SETD3: variants seen among roughly 807,000 people sequenced by gnomAD.
SETD3 encodes the protein SET domain containing 3, actin N3(tau)-histidine methyltransferase.
A neutral mutation model predicts 63.0 loss-of-function variants in SETD3; 19 were observed. The ratio of observed to expected loss-of-function variants is 0.30; its 90% CI spans 0.21 to 0.44. The LOEUF is 0.44. SETD3 is among the 20% of genes least tolerant of loss of function. The pLI is 1.00. For missense variants in SETD3, 587 were observed against 728.5 expected (o/e 0.81, Z 2.24); for synonymous variants, 286 against 264.1 (o/e 1.08, Z -0.80).
chr14:99,414,638 T>A (rs1892193027), intron 6 of SETD3, among the ~76,000 whole-genome samples: 1 of 152,244 alleles, frequency 6.6e-6, no homozygotes, highest in Non-Finnish European at 1.5e-5. Flanking sequence ...AAAACTTCAC[T>A]TTTATGAGAA....
At chr14:99,435,987 C>A (rs1476394894) in intron 6 of SETD3, among the ~76,000 whole-genome samples, 2 of 152,116 alleles carry the variant, frequency 1.3e-5, no homozygotes, top group African/African-American at 4.8e-5. Flanking sequence ...GGGGAGGCCT[C>A]AGGAAACTCA....
rs759232753 is a variant in SETD3 at position 99,398,653 on chromosome 14, G to A, written c.*26C>T. 1 of 1,600,352 alleles carries A rather than the reference G, an allele frequency of 6.2e-7. No homozygotes were observed. The highest frequency in any genetic ancestry group is 8.5e-7 in the Non-Finnish European group (1 of 1,169,796). On this transcript the variant is annotated 3_prime_UTR_variant, in exon 13 of 13. Coordinates refer to ENST00000331768, the MANE Select transcript of SETD3 (RefSeq NM_032233.3). ...CTGTCCGTCAACTCCTGCTCCACTGGATCCCCCATCCAGCTTCACCTCGAG... is the reference window on the plus strand; with the variant it reads ...CTGTCCGTCAACTCCTGCTCCACTGAATCCCCCATCCAGCTTCACCTCGAG...
intron 1 of SETD3, among the ~76,000 whole-genome samples, chr14:99,474,064 C>T (rs146036743): frequency 0.046 from 7,024 of 152,208 alleles, 248 homozygotes; most frequent in Non-Finnish European, 0.066. Context: ...CTCACACCTG[C>T]AATCCCAGCA....
chr14:99,448,122 G>C (rs1894240172), intron 6 of SETD3, among the ~76,000 whole-genome samples: 1 of 152,196 alleles, frequency 6.6e-6, no homozygotes, highest in African/African-American at 2.4e-5. Context: ...CACAGGCTTT[G>C]GGTCTAACAG....
chr14:99,400,375 G>A, intron 11 of SETD3, 116 bp from the exon 12 acceptor site: 1 of 1,176,148 alleles, frequency 8.5e-7, no homozygotes, highest in South Asian at 1.5e-5. Flanking sequence ...CACGGTAAAA[G>A]CTGTCCCTAC....
rs1895334825 is a variant in SETD3, at chr14:99,465,760, C to T, written c.46G>A (p.Ala16Thr). 1.2e-6 allele frequency: 2 copies of T among 1,613,974 alleles called. No homozygotes were observed. The highest frequency in any genetic ancestry group is 1.7e-5 in the Admixed American group (1 of 59,994). ...RVKTQKSGTGATATVSPKEIL... is the reference protein window; with the variant it reads ...RVKTQKSGTGTTATVSPKEIL... ...TCCTTTGGTGACACAGTTGCTGTAG[C>T]ACCAGTGCCAGATTTCTGAGTTTTT... Residue 16 changes from alanine to threonine, a missense_variant, in exon 2 of 13, where the codon GCT becomes ACT. Physicochemically the swap from Ala to Thr is moderately conservative, Grantham distance 58. Coordinates refer to ENST00000331768, the MANE Select transcript of SETD3 (RefSeq NM_032233.3).
the SETD3 span, among the ~76,000 whole-genome samples, chr14:99,486,409 C>G: frequency 6.6e-6 from 1 of 152,136 alleles, no homozygotes; most frequent in African/African-American, 2.4e-5. Context: ...AGTTCTGTAC[C>G]CAGACCCCTT....
chr14:99,420,682 A>C (rs1892537712), intron 6 of SETD3, among the ~76,000 whole-genome samples: 1 of 152,048 alleles, frequency 6.6e-6, no homozygotes, highest in Non-Finnish European at 1.5e-5. Context: ...GGGCCAGAGA[A>C]TCTTCTCATT....
At chr14:99,471,249 T>A (rs1895687667) in intron 1 of SETD3, among the ~76,000 whole-genome samples, 1 of 152,222 alleles carries the variant, frequency 6.6e-6, no homozygotes, top group African/African-American at 2.4e-5. Context: ...AATCTTTGGA[T>A]AGTATATTTG....
intron 1 of SETD3, among the ~76,000 whole-genome samples, chr14:99,476,806 C>T (rs568708985): frequency 7.4e-4 from 112 of 152,184 alleles, no homozygotes; most frequent in Middle Eastern, 3.4e-3. Context: ...AAAAATGGAA[C>T]GTGAAACTCA....
At chr14:99,399,812 G>A (rs1455642196) in intron 12 of SETD3, among the ~76,000 whole-genome samples, 12 of 136,876 alleles carry the variant, frequency 8.8e-5, no homozygotes, top group South Asian at 2.3e-4. Context: ...GTGCAGTGTC[G>A]AGATCTCAGC....
intron 9 of SETD3, 87 bp downstream of exon 9, chr14:99,406,424 CTAAGT>C (rs1200045311): frequency 5.0e-6 from 6 of 1,192,412 alleles, no homozygotes; most frequent in South Asian, 2.5e-5. Flanking sequence ...ATTTTTTCCC[CTAAGT>C]TAAGTTCCTT....
chr14:99,414,203 T>C (rs1892163046), intron 6 of SETD3, among the ~76,000 whole-genome samples: 1 of 152,222 alleles, frequency 6.6e-6, no homozygotes, highest in South Asian at 2.1e-4. Context: ...CAAAACACAA[T>C]TTAAGGTGGA....
intron 8 of SETD3, among the ~76,000 whole-genome samples, chr14:99,410,438 C>T (rs1260535415): frequency 2.0e-5 from 3 of 152,122 alleles, no homozygotes; most frequent in African/African-American, 7.2e-5. Context: ...GCTGCCCTTT[C>T]ATCCCACCTG....
At chr14:99,462,370 G>T (rs1895116435) in intron 3 of SETD3, among the ~76,000 whole-genome samples, 1 of 152,202 alleles carries the variant, frequency 6.6e-6, no homozygotes, top group Non-Finnish European at 1.5e-5. Context: ...GAGGAAGCTG[G>T]GTGTGGCACA....
At chr14:99,432,444 A>G (rs1433666137) in intron 6 of SETD3, among the ~76,000 whole-genome samples, 1 of 152,228 alleles carries the variant, frequency 6.6e-6, no homozygotes. Flanking sequence ...TGGTTTCTGC[A>G]AATGCCAAGC....
chr14:99,449,278 T>C (rs1306425217), intron 6 of SETD3, among the ~76,000 whole-genome samples: 1 of 152,216 alleles, frequency 6.6e-6, no homozygotes, highest in Non-Finnish European at 1.5e-5. Context: ...TATCAGGTTT[T>C]TGCATCTGGT....
At chr14:99,464,243 C>A (rs1266048158) in intron 2 of SETD3, among the ~76,000 whole-genome samples, 1 of 152,214 alleles carries the variant, frequency 6.6e-6, no homozygotes, top group Non-Finnish European at 1.5e-5. Context: ...CACTGGGCAC[C>A]CCGCCTATTG....
intron 11 of SETD3, among the ~76,000 whole-genome samples, chr14:99,403,255 C>G (rs371161030): frequency 1.7e-4 from 26 of 152,156 alleles, no homozygotes; most frequent in East Asian, 1.4e-3. Flanking sequence ...CAGTGACCGC[C>G]GAGCACAGCA....
Sources: gnomAD v4.1 joint callset for allele counts (sites outside exome capture counted in the v4.1 genomes callset) on GRCh38, gnomAD v4.1.1 for gene constraint, MANE v1.5 for transcripts, NCBI Gene and HGNC (gene_info 2026-07-23, HGNC 2026-07-21) for gene names.